The following PCDH15 variants were observed in gnomAD, a reference collection of about 807,000 sequenced individuals.
The protein encoded by PCDH15 is protocadherin related 15, also known as protocadherin-15.
PCDH15 carries 129 observed loss-of-function variants against 178.5 expected under a neutral mutation model. The ratio of observed to expected loss-of-function variants is 0.72; its 90% confidence interval spans 0.63 to 0.84. The LOEUF (loss-of-function observed/expected upper bound fraction) is 0.84. Ranked by LOEUF, PCDH15 falls within the 40% of genes least tolerant of loss-of-function variation. PCDH15 has a pLI of 0.00. For missense variants in PCDH15, 2,230 were observed against 2,099.9 expected, an observed-to-expected ratio of 1.06 and a Z score of -1.21; for synonymous variants, 800 against 732.0, an observed-to-expected ratio of 1.09 and a Z score of -1.50.
chr10:55,175,264 C>A (rs1839447749), intron 1 of PCDH15, among the ~76,000 whole-genome samples: 1 of 152,140 alleles, frequency 6.6e-6, no homozygotes, highest in Non-Finnish European at 1.5e-5. Flanking sequence ...GATGAAAATT[C>A]CACTGCCATC....
At chr10:55,159,502 CAT>C (rs1471467069) in intron 2 of PCDH15, among the ~76,000 whole-genome samples, 2 of 149,316 alleles carry the variant, frequency 1.3e-5, no homozygotes, top group African/African-American at 2.5e-5. Flanking sequence ...CACACACACA[CAT>C]ATACACACAC....
chr10:54,169,093 C>T (rs540548954), intron 13 of PCDH15, among the ~76,000 whole-genome samples: 35 of 152,058 alleles, frequency 2.3e-4, no homozygotes, highest in African/African-American at 3.6e-4. Flanking sequence ...TCCTAAGCCG[C>T]GTCCCATCTG....
At chr10:55,328,066 A>G (rs557727895) in intron 2 of PCDH15, among the ~76,000 whole-genome samples, 1 of 152,120 alleles carries the variant, frequency 6.6e-6, no homozygotes, top group Non-Finnish European at 1.5e-5. Context: ...AAGTGATTCT[A>G]ATAAAACGAA....
intron 1 of PCDH15, among the ~76,000 whole-genome samples, chr10:54,716,229 C>T (rs2095478056): frequency 6.6e-6 from 1 of 152,068 alleles, no homozygotes; most frequent in African/African-American, 2.4e-5. Context: ...ACAGATCAAC[C>T]CATGGTCTGA....
At chr10:55,219,983 C>T (rs1451869475) in intron 1 of PCDH15, among the ~76,000 whole-genome samples, 2 of 151,666 alleles carry the variant, frequency 1.3e-5, no homozygotes, top group Non-Finnish European at 2.9e-5. Context: ...TTTAAGGGAC[C>T]ACATGCTATG....
chr10:54,918,407 T>C (rs1343354920), intron 2 of PCDH15, among the ~76,000 whole-genome samples: 1 of 152,160 alleles, frequency 6.6e-6, no homozygotes, highest in Non-Finnish European at 1.5e-5. Flanking sequence ...GTAATTCTCA[T>C]TTAAAAAAAT....
chr10:55,464,163 T>A (rs746515952), intron 2 of PCDH15, among the ~76,000 whole-genome samples: 6 of 152,144 alleles, frequency 3.9e-5, no homozygotes, highest in Non-Finnish European at 4.4e-5. Flanking sequence ...TTTTGTTTAA[T>A]CATCATTGTT....
In PCDH15 at chr10:54,113,639, G is replaced by GACACACACACACACACACACACACAC. The variant is rs57193886; in HGVS notation, c.1917+19235_1917+19236insGTGTGTGTGTGTGTGTGTGTGTGTGT. Among the ~76,000 whole-genome samples the GACACACACACACACACACACACACAC allele has an allele frequency of 9.6e-3, 1,438 of 149,814 alleles. 26 individuals carry two copies. The highest frequency in any genetic ancestry group is 0.031 in the African/African-American group (1,265 of 40,490). ...CTCTACCGGTCCTTCTCCCAACACA[G>GACACACACACACACACACACACACAC]ACACACACACACACACACACGCACA... is the stretch of plus-strand genomic sequence containing the variant. On this transcript the variant is annotated intron_variant, in intron 15 of 37. Coordinates refer to ENST00000644397, the MANE Select transcript of PCDH15 (RefSeq NM_001384140.1).
chr10:53,890,629 G>T (rs1265324580), intron 26 of PCDH15, among the ~76,000 whole-genome samples: 1 of 151,968 alleles, frequency 6.6e-6, no homozygotes, highest in African/African-American at 2.4e-5. Flanking sequence ...ATTAAAGAGA[G>T]AATTATCTTT....
chr10:54,300,743 A>C (rs1281631315), intron 8 of PCDH15, among the ~76,000 whole-genome samples: 1 of 152,106 alleles, frequency 6.6e-6, no homozygotes. Flanking sequence ...TAAACACACC[A>C]ATCAGCACTT....
chr10:55,442,303 A>G (rs1214029293), intron 2 of PCDH15, among the ~76,000 whole-genome samples: 1 of 151,584 alleles, frequency 6.6e-6, no homozygotes, highest in Non-Finnish European at 1.5e-5. Context: ...GCAAACCTCA[A>G]TATTAGTAAA....
intron 2 of PCDH15, among the ~76,000 whole-genome samples, chr10:54,943,449 C>T (rs1838112387): frequency 6.6e-6 from 1 of 151,930 alleles, no homozygotes; most frequent in Admixed American, 6.6e-5. Flanking sequence ...ATCCATTTAA[C>T]TCATGGCAAA....
intron 2 of PCDH15, among the ~76,000 whole-genome samples, chr10:54,596,891 AC>A (rs1489425193): frequency 6.6e-6 from 1 of 152,148 alleles, no homozygotes; most frequent in African/African-American, 2.4e-5. Flanking sequence ...ATTCAACAAG[AC>A]CTAACTAGCC....
At chr10:54,294,674 C>T (rs1319882958) in intron 8 of PCDH15, among the ~76,000 whole-genome samples, 1 of 144,488 alleles carries the variant, frequency 6.9e-6, no homozygotes, top group East Asian at 2.0e-4. Flanking sequence ...CAACAGTAAT[C>T]ACACACACAC....
intron 9 of PCDH15, among the ~76,000 whole-genome samples, chr10:54,224,858 C>T (rs994764314): frequency 6.6e-6 from 1 of 152,090 alleles, no homozygotes; most frequent in Non-Finnish European, 1.5e-5. Context: ...CCTGCTTTTA[C>T]AGCTTCCAAA....
chr10:54,875,465 G>A (rs1419168417), intron 3 of PCDH15, among the ~76,000 whole-genome samples: 2 of 152,062 alleles, frequency 1.3e-5, no homozygotes, highest in Non-Finnish European at 2.9e-5. Context: ...TAAGCTTAGT[G>A]AAGAATACAT....
At chr10:54,320,586 T>G (rs1338789820) in intron 7 of PCDH15, among the ~76,000 whole-genome samples, 1 of 48,026 alleles carries the variant, frequency 2.1e-5, no homozygotes, top group Non-Finnish European at 6.0e-5. Flanking sequence ...ATTTTAAATT[T>G]TAAAAAAAAA....
chr10:54,356,993 T>C (rs1428948683), intron 5 of PCDH15, among the ~76,000 whole-genome samples: 1 of 152,132 alleles, frequency 6.6e-6, no homozygotes, highest in Non-Finnish European at 1.5e-5. Flanking sequence ...ATAAATTAGG[T>C]ATTGATGGGA....
chr10:54,066,182 A>T (rs955915212), intron 18 of PCDH15, among the ~76,000 whole-genome samples: 3 of 152,236 alleles, frequency 2.0e-5, no homozygotes, highest in African/African-American at 7.2e-5. Context: ...AATGGCCCAA[A>T]TGAGGAAGTA....
Sources: allele counts gnomAD v4.1 joint callset (sites outside exome capture counted in the v4.1 genomes callset), GRCh38; gene constraint gnomAD v4.1.1; transcripts MANE v1.5; gene names NCBI Gene and HGNC (gene_info 2026-07-23, HGNC 2026-07-21).